Variants in RANBP2 observed in about 807,000 individuals in gnomAD.
RANBP2 encodes E3 SUMO-protein ligase RanBP2.
In RANBP2, 57 loss-of-function variants were observed where a neutral mutation model predicts 303.6. The ratio of observed to expected loss-of-function variants is 0.19; its 90% CI spans 0.15 to 0.23. RANBP2 has a LOEUF of 0.23. Ranked by LOEUF, RANBP2 falls within the 10% of genes least tolerant of loss-of-function variation. The pLI, the probability that RANBP2 is intolerant of heterozygous loss-of-function variation, is 1.00. For missense variants in RANBP2, 3,138 were observed against 3,780.8 expected, an observed-to-expected ratio of 0.83 and a Z score of 4.46; for synonymous variants, 1,167 against 1,301.5, an observed-to-expected ratio of 0.90 and a Z score of 2.23.
the RANBP2 span, among the ~76,000 whole-genome samples, chr2:109,360,140 A>G: frequency 6.6e-6 from 1 of 151,716 alleles, no homozygotes; most frequent in African/African-American, 2.4e-5. Context: ...AAAGCCTGCC[A>G]TTGTTTGTTG....
chr2:109,522,060 G>A, the RANBP2 span, among the ~76,000 whole-genome samples: 1 of 152,184 alleles, frequency 6.6e-6, no homozygotes, highest in Admixed American at 6.5e-5. Context: ...TTAAAGTTTT[G>A]ATAAAACTGT....
At chr2:109,086,614 T>G in the RANBP2 span, among the ~76,000 whole-genome samples, 2 of 152,146 alleles carry the variant, frequency 1.3e-5, no homozygotes, top group Non-Finnish European at 2.9e-5. Context: ...CTTTGTAAAG[T>G]GCAGGCTCTG....
At chr2:109,572,575 C>T in the RANBP2 span, among the ~76,000 whole-genome samples, 8 of 151,560 alleles carry the variant, frequency 5.3e-5, no homozygotes, top group African/African-American at 1.7e-4. Context: ...GTTTTATACC[C>T]GGACAGGTAG....
intron 1 of RANBP2, among the ~76,000 whole-genome samples, chr2:108,721,406 T>C (rs1456987189): frequency 6.6e-6 from 1 of 152,044 alleles, no homozygotes; most frequent in Admixed American, 6.5e-5. Flanking sequence ...TAATTGAGGG[T>C]TCCTGTAACT....
the RANBP2 span, among the ~76,000 whole-genome samples, chr2:109,179,931 A>G: frequency 1.3e-5 from 2 of 149,230 alleles, no homozygotes; most frequent in Admixed American, 6.8e-5. Flanking sequence ...AACTAGGGCT[A>G]TTAAACAAGA....
At chr2:108,863,352 G>A in the RANBP2 span, among the ~76,000 whole-genome samples, 2 of 152,140 alleles carry the variant, frequency 1.3e-5, no homozygotes, top group Non-Finnish European at 2.9e-5. Flanking sequence ...GAAATACAAT[G>A]GGAAGGTTTA....
chr2:109,243,762 G>A, the RANBP2 span, among the ~76,000 whole-genome samples: 1 of 152,200 alleles, frequency 6.6e-6, no homozygotes, highest in East Asian at 1.9e-4. Context: ...GGCCCGAGTG[G>A]TTTTGCAATC....
chr2:109,696,959 G>A, the RANBP2 span, among the ~76,000 whole-genome samples: 1 of 152,066 alleles, frequency 6.6e-6, no homozygotes, highest in African/African-American at 2.4e-5. Flanking sequence ...TAAATTTTTT[G>A]TAGAGACAGG....
At chr2:109,625,228 CAT>C in the RANBP2 span, among the ~76,000 whole-genome samples, 2 of 151,832 alleles carry the variant, frequency 1.3e-5, no homozygotes, top group South Asian at 2.1e-4. Context: ...AGATCTCAAA[CAT>C]ATGTGCATAG....
At chr2:109,763,740 AAGG>A in the RANBP2 span, among the ~76,000 whole-genome samples, 1 of 150,316 alleles carries the variant, frequency 6.7e-6, no homozygotes, top group Non-Finnish European at 1.5e-5. Flanking sequence ...TTGAAGGAGG[AAGG>A]AGGAGGTACA....
chr2:109,160,278 G>A, the RANBP2 span, among the ~76,000 whole-genome samples: 2 of 152,228 alleles, frequency 1.3e-5, no homozygotes, highest in African/African-American at 2.4e-5. Context: ...ACAGGCATGA[G>A]GTTGCTGCCC....
the RANBP2 span, among the ~76,000 whole-genome samples, chr2:109,247,836 T>A: frequency 6.6e-6 from 1 of 152,246 alleles, no homozygotes; most frequent in East Asian, 1.9e-4. Context: ...AAGGATGGCC[T>A]GGGTTCCTCT....
At chr2:109,622,352 A>G in the RANBP2 span, among the ~76,000 whole-genome samples, 1 of 152,228 alleles carries the variant, frequency 6.6e-6, no homozygotes, top group Non-Finnish European at 1.5e-5. Flanking sequence ...GAGACAGTCA[A>G]CTGGCCTGAA....
chr2:109,209,821 T>G, the RANBP2 span, among the ~76,000 whole-genome samples: 3 of 152,174 alleles, frequency 2.0e-5, no homozygotes, highest in Non-Finnish European at 1.5e-5. Context: ...ATTCCAAGAT[T>G]TATTATTGTG....
the RANBP2 span, among the ~76,000 whole-genome samples, chr2:108,848,073 T>C: frequency 1.3e-5 from 2 of 152,158 alleles, no homozygotes; most frequent in Non-Finnish European, 2.9e-5. Flanking sequence ...AGCCACACAT[T>C]AAAGCATAGA....
At chr2:109,198,648 G>A in the RANBP2 span, among the ~76,000 whole-genome samples, 1 of 152,212 alleles carries the variant, frequency 6.6e-6, no homozygotes, top group African/African-American at 2.4e-5. Context: ...GACAGCCAGT[G>A]TCTTGCTCCT....
the RANBP2 span, among the ~76,000 whole-genome samples, chr2:109,035,988 A>G: frequency 3.3e-5 from 5 of 152,244 alleles, no homozygotes; most frequent in African/African-American, 9.6e-5. Flanking sequence ...AAGAGGCACA[A>G]CATTTTTCAA....
At chr2:108,968,041 C>T in the RANBP2 span, among the ~76,000 whole-genome samples, 2 of 152,156 alleles carry the variant, frequency 1.3e-5, no homozygotes, top group African/African-American at 4.8e-5. Context: ...AGGACATGCG[C>T]CCACTGTCCC....
chr2:109,417,290 C>T, the RANBP2 span, among the ~76,000 whole-genome samples: 10 of 152,316 alleles, frequency 6.6e-5, no homozygotes, highest in East Asian at 1.9e-3. Context: ...CCACCTACAC[C>T]TCCATGGATG....
Sources: gnomAD v4.1 joint callset for allele counts (sites outside exome capture counted in the v4.1 genomes callset) on GRCh38, gnomAD v4.1.1 for gene constraint, MANE v1.5 for transcripts, NCBI Gene and HGNC (gene_info 2026-07-23, HGNC 2026-07-21) for gene names.